The following METTL24 variants were observed in gnomAD, a reference collection of about 807,000 sequenced individuals.
The protein encoded by METTL24 is probable methyltransferase-like protein 24.
In METTL24, 29 loss-of-function variants were observed where a neutral mutation model predicts 32.7. The observed-to-expected ratio is 0.89, with a 90% CI of 0.66 to 1.21. METTL24 has a LOEUF of 1.21. Ranked by LOEUF, METTL24 falls within the 50% of genes most tolerant of loss-of-function variation. The probability of loss-of-function intolerance (pLI) is 0.00; values close to 1 mark genes in which losing one functional copy is unlikely to be tolerated. For synonymous variants in METTL24, 163 were observed against 179.5 expected (o/e 0.91, Z 0.73); for missense variants, 439 against 468.1 (o/e 0.94, Z 0.57).
chr6:110,274,109 T>C (rs1771003723), intron 4 of METTL24, among the ~76,000 whole-genome samples: 1 of 152,126 alleles, frequency 6.6e-6, no homozygotes, highest in East Asian at 1.9e-4. Context: ...TGTTTTGTTT[T>C]TGAGATGGAG....
intron 4 of METTL24, among the ~76,000 whole-genome samples, chr6:110,267,047 T>A (rs80081331): frequency 0.037 from 5,627 of 151,192 alleles, 155 homozygotes; most frequent in African/African-American, 0.075. Context: ...GCTTTTTTTT[T>A]AAAAAAAAAT....
At chr6:110,306,340 A>C (rs1371898574) in intron 3 of METTL24, among the ~76,000 whole-genome samples, 1 of 151,398 alleles carries the variant, frequency 6.6e-6, no homozygotes, top group East Asian at 1.9e-4. Context: ...ATTTAAATAA[A>C]ATAAAACTAA....
intron 4 of METTL24, among the ~76,000 whole-genome samples, chr6:110,291,122 G>C (rs9487349): frequency 0.051 from 7,834 of 152,118 alleles, 553 homozygotes; most frequent in African/African-American, 0.16. Flanking sequence ...TGATATATTT[G>C]TGATGAATAT....
intron 4 of METTL24, among the ~76,000 whole-genome samples, chr6:110,298,333 T>C (rs919305957): frequency 1.3e-5 from 2 of 152,258 alleles, no homozygotes; most frequent in African/African-American, 4.8e-5. Context: ...TGTTTCTTTT[T>C]TGCTGTCCAT....
intron 4 of METTL24, among the ~76,000 whole-genome samples, chr6:110,282,288 T>C (rs547917795): frequency 1.3e-5 from 2 of 152,238 alleles, no homozygotes; most frequent in African/African-American, 4.8e-5. Context: ...CAATAAAATA[T>C]ACCAAATCAT....
At chr6:110,321,260 G>A (rs978121843) in intron 2 of METTL24, among the ~76,000 whole-genome samples, 2 of 151,934 alleles carry the variant, frequency 1.3e-5, no homozygotes, top group Non-Finnish European at 2.9e-5. Context: ...GAAAAGAAAA[G>A]AAAAATTTTC....
chr6:110,315,009 C>T lies in METTL24; in HGVS notation c.557+333G>A, dbSNP rs76811009. Reference sequence around the variant, plus strand: ...TTTTGTGTTTTTTTTTTTTGCTGCACGCAGTAATATTCTTCTCTCTTTATA... The same window carrying T: ...TTTTGTGTTTTTTTTTTTTGCTGCATGCAGTAATATTCTTCTCTCTTTATA... On this transcript the variant is annotated intron_variant, in intron 3 of 4. Transcript: ENST00000338882. Among the ~76,000 whole-genome samples, 542 of 151,012 alleles carry T rather than the reference C, an allele frequency of 3.6e-3. 11 individuals carry two copies. Among genetic ancestry groups the T allele is most frequent in the East Asian group, 0.027 (137 of 5,148 alleles).
At chr6:110,290,009 T>C (rs571295549) in intron 4 of METTL24, among the ~76,000 whole-genome samples, 1 of 152,254 alleles carries the variant, frequency 6.6e-6, no homozygotes, top group South Asian at 2.1e-4. Flanking sequence ...TGGAGTGCAG[T>C]GGCTCAATTG....
At chr6:110,272,619 C>G (rs754651437) in intron 4 of METTL24, among the ~76,000 whole-genome samples, 10 of 152,140 alleles carry the variant, frequency 6.6e-5, no homozygotes, top group Non-Finnish European at 1.2e-4. Flanking sequence ...ACCACATTCA[C>G]GCCAACATCT....
chr6:110,254,032 T>C (rs1778334749), intron 4 of METTL24: 1 of 1,177,350 alleles, frequency 8.5e-7, no homozygotes, highest in Non-Finnish European at 1.1e-6. Context: ...CCTCACAAAT[T>C]TGCATTTGGG....
intron 3 of METTL24, among the ~76,000 whole-genome samples, chr6:110,301,736 T>C (rs537873921): frequency 6.6e-6 from 1 of 152,078 alleles, no homozygotes; most frequent in South Asian, 2.1e-4. Context: ...AGCCACTGAG[T>C]TTTAGAGTGA....
At chr6:110,308,202 T>C (rs952646282) in intron 3 of METTL24, among the ~76,000 whole-genome samples, 1 of 152,076 alleles carries the variant, frequency 6.6e-6, no homozygotes, top group African/African-American at 2.4e-5. Flanking sequence ...GAGGGAGGGG[T>C]GCCCTTTCCC....
intron 4 of METTL24, among the ~76,000 whole-genome samples, chr6:110,294,860 T>G (rs1771381704): frequency 6.6e-6 from 1 of 152,094 alleles, no homozygotes; most frequent in Non-Finnish European, 1.5e-5. Context: ...TGAAAGAGTA[T>G]ATTATTTTCC....
rs201610028 is a variant in METTL24 at position 110,298,657 on chromosome 6, GT to G, written c.786+264del. 4.9e-3 allele frequency among the ~76,000 whole-genome samples: 739 copies of G among 152,234 alleles called. 4 individuals carry two copies. The highest frequency in any genetic ancestry group is 0.016 in the African/African-American group (675 of 41,532). Reference sequence around the variant, plus strand: ...ATTCTTCAGCCTGTGCCAGAAGTAAGTTTCTTAGTCTTCTTGCCTAGTCTTG... The same window carrying G: ...ATTCTTCAGCCTGTGCCAGAAGTAAGTTCTTAGTCTTCTTGCCTAGTCTTG... On this transcript the variant is annotated intron_variant, in intron 4 of 4. Coordinates refer to ENST00000338882, the MANE Select transcript of METTL24 (RefSeq NM_001123364.3).
intron 1 of METTL24, among the ~76,000 whole-genome samples, chr6:110,345,936 A>G (rs1772464469): frequency 6.6e-6 from 1 of 152,234 alleles, no homozygotes; most frequent in African/African-American, 2.4e-5. Flanking sequence ...CTGAAACAAA[A>G]GTTATAAACA....
At chr6:110,300,029 T>C (rs983609235) in intron 3 of METTL24, among the ~76,000 whole-genome samples, 3 of 152,190 alleles carry the variant, frequency 2.0e-5, no homozygotes, top group African/African-American at 4.8e-5. Flanking sequence ...CTAAACCCAG[T>C]GCAGAAATAC....
chr6:110,277,997 C>T (rs1313575046), intron 4 of METTL24, among the ~76,000 whole-genome samples: 1 of 152,056 alleles, frequency 6.6e-6, no homozygotes, highest in African/African-American at 2.4e-5. Flanking sequence ...TAAGCCCAAC[C>T]ATGAGAGAGA....
chr6:110,267,101 A>T (rs752624921), intron 4 of METTL24, among the ~76,000 whole-genome samples: 5 of 151,922 alleles, frequency 3.3e-5, no homozygotes, highest in Admixed American at 6.6e-5. Flanking sequence ...AAGATCTTGG[A>T]AGGGGCCTAT....
intron 1 of METTL24, among the ~76,000 whole-genome samples, chr6:110,341,731 T>G (rs1772362953): frequency 6.6e-6 from 1 of 152,228 alleles, no homozygotes; most frequent in Non-Finnish European, 1.5e-5. Flanking sequence ...TGACCTCATC[T>G]GATCTGGATT....
Sources: gnomAD v4.1 joint callset for allele counts (sites outside exome capture counted in the v4.1 genomes callset) on GRCh38, gnomAD v4.1.1 for gene constraint, MANE v1.5 for transcripts, NCBI Gene and HGNC (gene_info 2026-07-23, HGNC 2026-07-21) for gene names.